TENM3: variants seen among roughly 807,000 people sequenced by gnomAD.
TENM3 encodes teneurin transmembrane protein 3, also known as teneurin-3.
In TENM3, 63 loss-of-function variants were observed where a neutral mutation model predicts 255.1. The observed-to-expected ratio is 0.25, with a 90% CI of 0.20 to 0.30. The LOEUF (loss-of-function observed/expected upper bound fraction) is 0.30, where lower values mean the gene tolerates loss of function less well. Among genes scored for constraint, TENM3 ranks in the 10% least tolerant of loss-of-function variants. The probability of loss-of-function intolerance (pLI) is 1.00; values close to 1 mark genes in which losing one functional copy is unlikely to be tolerated. For synonymous variants in TENM3, 1,306 were observed against 1,322.3 expected (o/e 0.99, Z 0.27); for missense variants, 2,929 against 3,461.1 (o/e 0.85, Z 3.86).
At chr4:181,743,686 G>T in the TENM3 span, among the ~76,000 whole-genome samples, 1 of 152,066 alleles carries the variant, frequency 6.6e-6, no homozygotes, top group South Asian at 2.1e-4. Flanking sequence ...CTCAGAAAAG[G>T]GGGGGCCACA....
intron 2 of TENM3, among the ~76,000 whole-genome samples, chr4:182,326,845 T>C (rs1763446387): frequency 6.6e-6 from 1 of 152,108 alleles, no homozygotes; most frequent in Admixed American, 6.5e-5. Flanking sequence ...GCCCAGCCCA[T>C]TTTAGTCAAT....
At chr4:182,212,616 A>C (rs1187611418) in intron 1 of TENM3, among the ~76,000 whole-genome samples, 2 of 152,208 alleles carry the variant, frequency 1.3e-5, no homozygotes, top group South Asian at 2.1e-4. Flanking sequence ...GCTTACATAA[A>C]ATGCTCAGAG....
At chr4:181,751,788 G>A in the TENM3 span, among the ~76,000 whole-genome samples, 1 of 152,096 alleles carries the variant, frequency 6.6e-6, no homozygotes, top group African/African-American at 2.4e-5. Context: ...TTGGTATCAC[G>A]CATTGTTTGT....
intron 22 of TENM3, among the ~76,000 whole-genome samples, chr4:182,759,083 TA>T (rs1347936383): frequency 6.6e-6 from 1 of 152,240 alleles, no homozygotes. Context: ...AAAGAAATTT[TA>T]AAAGAGAATT....
At chr4:181,704,653 T>C in the TENM3 span, among the ~76,000 whole-genome samples, 1 of 152,188 alleles carries the variant, frequency 6.6e-6, no homozygotes, top group Non-Finnish European at 1.5e-5. Context: ...TTTCCTAGCC[T>C]ATAATATTTA....
chr4:182,437,826 C>T (rs1772160758), intron 3 of TENM3, among the ~76,000 whole-genome samples: 2 of 150,572 alleles, frequency 1.3e-5, no homozygotes, highest in African/African-American at 4.9e-5. Flanking sequence ...TGGGCGGGCA[C>T]CTGTAGTCCC....
At chr4:182,766,128 C>T (rs1331585273) in intron 22 of TENM3, among the ~76,000 whole-genome samples, 2 of 152,174 alleles carry the variant, frequency 1.3e-5, no homozygotes, top group African/African-American at 4.8e-5. Flanking sequence ...GGTCTGTGTA[C>T]GGCTGAACAG....
At chr4:182,737,129 A>G (rs1432710978) in intron 17 of TENM3, 54 bp downstream of exon 17, 23 of 1,549,294 alleles carry the variant, frequency 1.5e-5, no homozygotes, top group Non-Finnish European at 1.8e-6. Flanking sequence ...AGCCAGAACT[A>G]TCATAAATTA....
the TENM3 span, among the ~76,000 whole-genome samples, chr4:182,078,948 T>C: frequency 6.6e-6 from 1 of 152,312 alleles, no homozygotes; most frequent in East Asian, 1.9e-4. Context: ...CCACTAAGCC[T>C]GGGAGTATTT....
At position 182,621,540 on chromosome 4, in the gene TENM3, A is replaced by C. The variant is rs1026873063; in HGVS notation, c.750-7111A>C. On this transcript the variant is annotated intron_variant, in intron 4 of 27. Transcript: ENST00000511685. ...CACTTTGGGAGGCCAAGGCAGGAAG[A>C]CTGCTTAAGGGTAGGAGATTGAGGT... 2.8e-5 allele frequency among the ~76,000 whole-genome samples: 4 copies of C among 144,746 alleles called. No homozygotes were observed. The Admixed American group carries it at 2.9e-4, about 11-fold the overall frequency. 95.0% of individuals were successfully genotyped at this position (144,746 alleles called of 152,430 possible). A position where few individuals can be genotyped will look rare whatever the true frequency, so the allele number is the denominator to read the frequency against.
chr4:181,939,238 A>G, the TENM3 span, among the ~76,000 whole-genome samples: 8 of 152,220 alleles, frequency 5.3e-5, no homozygotes, highest in Non-Finnish European at 1.0e-4. Context: ...AGATATGGTT[A>G]TAATCCTAGT....
At chr4:181,849,472 TA>T in the TENM3 span, among the ~76,000 whole-genome samples, 1 of 152,270 alleles carries the variant, frequency 6.6e-6, no homozygotes, top group South Asian at 2.1e-4. Context: ...AAGTTGTCTT[TA>T]AAAAAATCTC....
chr4:181,573,022 C>CTG, the TENM3 span, among the ~76,000 whole-genome samples: 5 of 141,456 alleles, frequency 3.5e-5, no homozygotes. Flanking sequence ...GCTTATTTCA[C>CTG]TTAACATAAT....
intron 3 of TENM3, among the ~76,000 whole-genome samples, chr4:182,389,771 C>T (rs111842294): frequency 0.099 from 14,867 of 149,934 alleles, 1,328 homozygotes; most frequent in African/African-American, 0.24. Context: ...CTGCAAGCTC[C>T]GCCTCCCGGG....
intron 4 of TENM3, among the ~76,000 whole-genome samples, chr4:182,616,730 G>A (rs1581112726): frequency 1.3e-5 from 2 of 152,210 alleles, no homozygotes; most frequent in South Asian, 4.1e-4. Flanking sequence ...AGCATCCTCG[G>A]CTGATGGAGA....
intron 1 of TENM3, among the ~76,000 whole-genome samples, chr4:182,320,284 GAAC>G (rs1762974057): frequency 2.6e-5 from 4 of 152,204 alleles, no homozygotes; most frequent in African/African-American, 9.7e-5. Context: ...TGGTGGCTTA[GAAC>G]AACAGGAAGT....
intron 3 of TENM3, among the ~76,000 whole-genome samples, chr4:182,433,786 T>C (rs1435758537): frequency 2.6e-5 from 4 of 152,160 alleles, no homozygotes; most frequent in Non-Finnish European, 5.9e-5. Flanking sequence ...TATTGAGATA[T>C]CTAGGATAGT....
chr4:182,197,876 G>A (rs544976550), intron 1 of TENM3, among the ~76,000 whole-genome samples: 11 of 152,256 alleles, frequency 7.2e-5, no homozygotes, highest in Admixed American at 2.6e-4. Context: ...AGGCCGAGGC[G>A]GTCGGATCAC....
the TENM3 span, among the ~76,000 whole-genome samples, chr4:181,785,812 A>G: frequency 2.3e-5 from 3 of 127,798 alleles, no homozygotes; most frequent in Non-Finnish European, 5.2e-5. Flanking sequence ...TGTCACACAC[A>G]CATACACACA....
Sources: gnomAD v4.1 joint callset for allele counts (sites outside exome capture counted in the v4.1 genomes callset) on GRCh38, gnomAD v4.1.1 for gene constraint, MANE v1.5 for transcripts, NCBI Gene and HGNC (gene_info 2026-07-23, HGNC 2026-07-21) for gene names.